The following GPR161 variants were observed in gnomAD, a reference collection of about 807,000 sequenced individuals.
GPR161 encodes G-protein coupled receptor RE2.
In GPR161, 25 loss-of-function variants were observed where a neutral mutation model predicts 39.2. The observed-to-expected ratio is 0.64, with a 90% CI of 0.47 to 0.89. The LOEUF is 0.89. Among genes scored for constraint, GPR161 ranks in the 40% least tolerant of loss-of-function variants. The pLI is 0.00. For synonymous variants in GPR161, 286 were observed against 276.6 expected (o/e 1.03, Z -0.34); for missense variants, 547 against 677.8 (o/e 0.81, Z 2.14).
In GPR161 at chr1:168,103,282, G is replaced by GCT. The variant is rs536492643; in HGVS notation, c.374+1194_374+1195insAG. Among the ~76,000 whole-genome samples the GCT allele has an allele frequency of 1.5e-4, 23 of 152,234 alleles. No individual in the cohort carries two copies. The East Asian group carries it at 3.7e-3, about 24-fold the overall frequency. On this transcript the variant is annotated intron_variant, in intron 2 of 5. Coordinates refer to ENST00000682931, the MANE Select transcript of GPR161 (RefSeq NM_001375883.1). The stretch of plus-strand genomic sequence containing the variant: ...GGACAGAAAACCATAGGAGCCAGAA[G>GCT]CCTATTTCAAAAATTTGCTGTATAC...
intron 1 of GPR161, among the ~76,000 whole-genome samples, chr1:168,115,038 G>A (rs1026337651): frequency 3.9e-5 from 6 of 152,114 alleles, no homozygotes; most frequent in African/African-American, 7.2e-5. Context: ...GGCTGGCAGT[G>A]TGACAAAATA....
intron 2 of GPR161, among the ~76,000 whole-genome samples, chr1:168,097,685 C>T (rs181106695): frequency 6.6e-6 from 1 of 152,118 alleles, no homozygotes; most frequent in Non-Finnish European, 1.5e-5. Flanking sequence ...CAAAGGCTTG[C>T]GATGTGCCAA....
intron 1 of GPR161, among the ~76,000 whole-genome samples, chr1:168,128,272 A>C (rs955283991): frequency 8.6e-5 from 13 of 151,936 alleles, no homozygotes; most frequent in Non-Finnish European, 1.9e-4. Flanking sequence ...AATCAAACCC[A>C]CTCCCTACCT....
chr1:168,090,635 A>G lies in GPR161; in HGVS notation c.1133T>C (p.Met378Thr). The change falls in exon 4 of 6, where the codon ATG (methionine) becomes ACG (threonine). Residue 378 changes from methionine (M) to threonine (T), a missense_variant. Coordinates refer to ENST00000682931, the MANE Select transcript of GPR161 (RefSeq NM_001375883.1). ...GTGCCCCAGGGGCTGTCCACCTGCC[A>G]TGAGCGCAGTGAGGTGTGGGGACAG... ...LGLSPHLTAL[M>T]AGGQPLGHSS... 3 of 1,612,064 alleles carry G rather than the reference A, an allele frequency of 1.9e-6. No individual in the cohort carries two copies. The highest frequency in any genetic ancestry group is 2.5e-6 in the Non-Finnish European group (3 of 1,178,274).
intron 2 of GPR161, among the ~76,000 whole-genome samples, chr1:168,099,548 C>A (rs1392758620): frequency 6.6e-6 from 1 of 152,154 alleles, no homozygotes; most frequent in Admixed American, 6.5e-5. Context: ...TCTGGCTCTT[C>A]TCAACACCCA....
At chr1:168,128,769 T>C (rs1223170502) in intron 1 of GPR161, among the ~76,000 whole-genome samples, 1 of 152,192 alleles carries the variant, frequency 6.6e-6, no homozygotes, top group African/African-American at 2.4e-5. Flanking sequence ...CCTAAAACTA[T>C]ATTATTTTTA....
At chr1:168,087,768 C>T in intron 4 of GPR161, 64 bp from the exon 5 acceptor site, 1 of 1,490,466 alleles carries the variant, frequency 6.7e-7, no homozygotes. Flanking sequence ...CCTCTTCTCC[C>T]CTCTCAACAC....
chr1:168,102,873 C>T (rs1041353240), intron 2 of GPR161, among the ~76,000 whole-genome samples: 18 of 151,854 alleles, frequency 1.2e-4, no homozygotes, highest in Non-Finnish European at 1.2e-4. Flanking sequence ...AACAAGATCC[C>T]ATTCCTCCCC....
intron 1 of GPR161, among the ~76,000 whole-genome samples, chr1:168,119,262 A>C (rs981029343): frequency 3.1e-5 from 4 of 128,180 alleles, no homozygotes; most frequent in African/African-American, 1.3e-4. Context: ...ATATACGTAT[A>C]TATATGTGTA....
intron 1 of GPR161, among the ~76,000 whole-genome samples, chr1:168,108,061 C>A (rs1696766490): frequency 6.6e-6 from 1 of 152,156 alleles, no homozygotes; most frequent in South Asian, 2.1e-4. Context: ...AATTATGGTG[C>A]AGCATCTGTC....
At chr1:168,106,516 G>C (rs1376393642) in intron 1 of GPR161, among the ~76,000 whole-genome samples, 1 of 152,222 alleles carries the variant, frequency 6.6e-6, no homozygotes, top group Non-Finnish European at 1.5e-5. Flanking sequence ...CTTGAGCCCA[G>C]AGGTCAAGGC....
chr1:168,116,868 C>G (rs1355153360), intron 1 of GPR161, among the ~76,000 whole-genome samples: 1 of 152,200 alleles, frequency 6.6e-6, no homozygotes, highest in Non-Finnish European at 1.5e-5. Flanking sequence ...ACAAGTGCAG[C>G]AGGTCTGAGC....
chr1:168,090,132 G>A (rs1440165660), intron 4 of GPR161, among the ~76,000 whole-genome samples: 2 of 152,128 alleles, frequency 1.3e-5, no homozygotes, highest in African/African-American at 4.8e-5. Context: ...TCACAGATGG[G>A]GAAAGTTGAG....
intron 2 of GPR161, among the ~76,000 whole-genome samples, chr1:168,099,033 G>T (rs938900927): frequency 4.6e-5 from 7 of 152,342 alleles, no homozygotes; most frequent in African/African-American, 1.7e-4. Flanking sequence ...GAATGAGGAA[G>T]ATCATGGAAA....
chr1:168,105,228 A>C (rs1312973361), intron 1 of GPR161, among the ~76,000 whole-genome samples: 2 of 152,182 alleles, frequency 1.3e-5, no homozygotes, highest in East Asian at 3.9e-4. Context: ...CTCCACCACT[A>C]GAGGTTCTGG....
chr1:168,084,796 C>T lies in GPR161; in HGVS notation c.*735G>A, dbSNP rs1358740412. On this transcript the variant is annotated 3_prime_UTR_variant, in exon 6 of 6. Coordinates refer to ENST00000682931, the MANE Select transcript of GPR161 (RefSeq NM_001375883.1). ...TTTTTTTAATTCTGGAAATGAAACACCTAGTACCTGCCCTTCCTCTTGTCT... is the reference window on the plus strand; with the variant it reads ...TTTTTTTAATTCTGGAAATGAAACATCTAGTACCTGCCCTTCCTCTTGTCT... 5.0e-5 allele frequency: 23 copies of T among 455,748 alleles called. No homozygotes were observed. Among genetic ancestry groups the T allele is most frequent in the Non-Finnish European group, 8.8e-5 (20 of 226,900 alleles). 28.2% of individuals were successfully genotyped at this position (455,748 alleles called of 1,614,324 possible).
At position 168,079,908 on chromosome 1, in the gene GPR161, T is replaced by C. The variant is rs1693949836; in HGVS notation, c.*5623A>G. 6.6e-6 allele frequency: 1 copy of C among 152,212 alleles called. No homozygotes were observed. The highest frequency in any genetic ancestry group is 2.1e-4 in the South Asian group (1 of 4,818). 9.4% of individuals were successfully genotyped at this position (152,212 alleles called of 1,614,324 possible). A position where few individuals can be genotyped will look rare whatever the true frequency, so the allele number is the denominator to read the frequency against. On this transcript the variant is annotated 3_prime_UTR_variant, in exon 6 of 6. Coordinates refer to ENST00000682931, the MANE Select transcript of GPR161 (RefSeq NM_001375883.1). Reference sequence around the variant, plus strand: ...TGTGATTTGTGGTATTTCAAACTAGTGAAAAAAGGAAAAACAAAAGTGGCA... The same window carrying C: ...TGTGATTTGTGGTATTTCAAACTAGCGAAAAAAGGAAAAACAAAAGTGGCA...
Position 168,081,378 on chromosome 1 carries a change from T to C in GPR161, c.*4153A>G, listed in dbSNP as rs2102073070. Reference sequence around the variant, plus strand: ...CTCCCATCTAGGATAACACTTATATTTTCAAGATTCTCACTTCATTATAGA... The same window carrying C: ...CTCCCATCTAGGATAACACTTATATCTTCAAGATTCTCACTTCATTATAGA... On this transcript the variant is annotated 3_prime_UTR_variant, in exon 6 of 6. Coordinates refer to ENST00000682931, the MANE Select transcript of GPR161 (RefSeq NM_001375883.1). 6.6e-6 allele frequency: 1 copy of C among 152,286 alleles called. No homozygotes were observed. Among genetic ancestry groups the C allele is most frequent in the Middle Eastern group, 3.4e-3 (1 of 294 alleles). 9.4% of individuals were successfully genotyped at this position (152,286 alleles called of 1,614,324 possible).
At chr1:168,111,196 G>C (rs575002460) in intron 1 of GPR161, among the ~76,000 whole-genome samples, 2 of 152,322 alleles carry the variant, frequency 1.3e-5, no homozygotes, top group African/African-American at 4.8e-5. Context: ...TAAAGGAGTA[G>C]ACACTGTTGG....
Sources: allele counts gnomAD v4.1 joint callset (sites outside exome capture counted in the v4.1 genomes callset), GRCh38; gene constraint gnomAD v4.1.1; transcripts MANE v1.5; gene names NCBI Gene and HGNC (gene_info 2026-07-23, HGNC 2026-07-21).